CELF4: variants seen among roughly 807,000 people sequenced by gnomAD.
The protein encoded by CELF4 is CUG-BP- and ETR-3-like factor 4.
In CELF4, 18 loss-of-function variants were observed where a neutral mutation model predicts 59.9. The ratio of observed to expected loss-of-function variants is 0.30; its 90% CI spans 0.21 to 0.45. The LOEUF (loss-of-function observed/expected upper bound fraction) is 0.45, where lower values mean the gene tolerates loss of function less well. CELF4 is among the 20% of genes least tolerant of loss of function. The pLI is 1.00. For synonymous variants in CELF4, 261 were observed against 267.1 expected (o/e 0.98, Z 0.22); for missense variants, 456 against 689.0 (o/e 0.66, Z 3.79).
intron 12 of CELF4, among the ~76,000 whole-genome samples, chr18:37,249,495 CCT>C (rs776118853): frequency 1.3e-5 from 2 of 152,142 alleles, no homozygotes; most frequent in Non-Finnish European, 2.9e-5. Flanking sequence ...GCACACAGCC[CCT>C]GTCCCTAAAG....
At chr18:37,561,511 C>T (rs1448034176) in intron 1 of CELF4, among the ~76,000 whole-genome samples, 2 of 152,064 alleles carry the variant, frequency 1.3e-5, no homozygotes, top group Non-Finnish European at 2.9e-5. Context: ...CTTTATATCT[C>T]CCAGTAACTC....
intron 1 of CELF4, among the ~76,000 whole-genome samples, chr18:37,488,588 A>G (rs1027923938): frequency 6.6e-6 from 1 of 151,976 alleles, no homozygotes; most frequent in Non-Finnish European, 1.5e-5. Flanking sequence ...TCCTGATGGG[A>G]GGGTTTTTGC....
intron 2 of CELF4, among the ~76,000 whole-genome samples, chr18:37,452,413 T>C (rs939064570): frequency 6.6e-6 from 1 of 152,012 alleles, no homozygotes. Flanking sequence ...AACCCCAAGG[T>C]GGACCCAGAG....
chr18:37,317,573 G>A (rs576028121), intron 3 of CELF4, among the ~76,000 whole-genome samples: 1 of 152,236 alleles, frequency 6.6e-6, no homozygotes, highest in East Asian at 1.9e-4. Context: ...AACAAGAACT[G>A]CATCCTATAC....
intron 2 of CELF4, among the ~76,000 whole-genome samples, chr18:37,407,935 C>T (rs2099401221): frequency 6.6e-6 from 1 of 152,016 alleles, no homozygotes; most frequent in Admixed American, 6.6e-5. Context: ...CTGCTCTGTA[C>T]CACAGAATAT....
intron 1 of CELF4, among the ~76,000 whole-genome samples, chr18:37,510,333 C>T (rs2099942812): frequency 1.3e-5 from 2 of 152,210 alleles, no homozygotes; most frequent in African/African-American, 4.8e-5. Context: ...TACTTGGACC[C>T]AGCTGGCCAA....
chr18:37,400,873 T>C (rs567727686), intron 2 of CELF4, among the ~76,000 whole-genome samples: 31 of 152,380 alleles, frequency 2.0e-4, no homozygotes, highest in African/African-American at 6.7e-4. Context: ...GCCTGAATTA[T>C]TGATTAGAGG....
chr18:37,360,898 G>T (rs565054358), intron 2 of CELF4, among the ~76,000 whole-genome samples: 1 of 152,314 alleles, frequency 6.6e-6, no homozygotes, highest in South Asian at 2.1e-4. Context: ...CCAAAGTGGG[G>T]TTTATTTACA....
intron 2 of CELF4, among the ~76,000 whole-genome samples, chr18:37,383,904 T>C (rs2099069666): frequency 6.6e-6 from 1 of 151,874 alleles, no homozygotes; most frequent in Non-Finnish European, 1.5e-5. Context: ...GCAGGAATTC[T>C]CCCTAAATCC....
intron 2 of CELF4, among the ~76,000 whole-genome samples, chr18:37,349,327 A>G (rs1220188007): frequency 6.6e-6 from 1 of 152,028 alleles, no homozygotes; most frequent in Non-Finnish European, 1.5e-5. Flanking sequence ...CGTTGGGGGG[A>G]GAAACTGGAA....
chr18:37,381,315 G>C lies in CELF4; in HGVS notation c.370-59434C>G, dbSNP rs78492102. ...GCAATTATGTCACAAAATCAGACAA[G>C]GCTTCCTGTAGGAGGTACTCTCTAA... On this transcript the variant is annotated intron_variant, in intron 2 of 12. Coordinates refer to ENST00000420428, the MANE Select transcript of CELF4 (RefSeq NM_020180.4). Among the ~76,000 whole-genome samples, 150 of 152,316 alleles carry C rather than the reference G, an allele frequency of 9.8e-4. No homozygotes were observed. The Middle Eastern group carries it at 0.017, about 17-fold the overall frequency.
chr18:37,326,706 G>A (rs376853462), intron 2 of CELF4, among the ~76,000 whole-genome samples: 22 of 152,148 alleles, frequency 1.4e-4, no homozygotes, highest in African/African-American at 4.3e-4. Flanking sequence ...CCAGCCGGGC[G>A]CCCCTCTTAG....
intron 12 of CELF4, among the ~76,000 whole-genome samples, chr18:37,247,833 C>T (rs996391693): frequency 6.6e-6 from 1 of 152,174 alleles, no homozygotes; most frequent in Non-Finnish European, 1.5e-5. Context: ...CCTTGGCCAG[C>T]AAGCAATCTC....
intron 2 of CELF4, among the ~76,000 whole-genome samples, chr18:37,404,215 G>A (rs979829403): frequency 2.0e-5 from 3 of 152,140 alleles, no homozygotes; most frequent in Non-Finnish European, 2.9e-5. Context: ...ACGTGACCTC[G>A]AGCACATCCC....
At chr18:37,384,706 G>A (rs1421422266) in intron 2 of CELF4, among the ~76,000 whole-genome samples, 4 of 152,140 alleles carry the variant, frequency 2.6e-5, no homozygotes, top group South Asian at 2.1e-4. Flanking sequence ...GGAACATCAC[G>A]GGTCACTTCA....
intron 2 of CELF4, among the ~76,000 whole-genome samples, chr18:37,453,298 G>A (rs2099769245): frequency 6.6e-6 from 1 of 152,248 alleles, no homozygotes; most frequent in African/African-American, 2.4e-5. Context: ...AATATGATAA[G>A]GCAGTTCAGG....
At chr18:37,497,902 A>T (rs544965385) in intron 1 of CELF4, among the ~76,000 whole-genome samples, 78 of 152,270 alleles carry the variant, frequency 5.1e-4, no homozygotes, top group Admixed American at 1.3e-3. Flanking sequence ...AGGTGAGGAA[A>T]TGGAGTCACT....
At chr18:37,325,912 C>T (rs542027586) in intron 2 of CELF4, among the ~76,000 whole-genome samples, 68 of 152,322 alleles carry the variant, frequency 4.5e-4, no homozygotes, top group South Asian at 4.1e-4. Flanking sequence ...AGATAATATA[C>T]GGCCCTGTGC....
intron 2 of CELF4, among the ~76,000 whole-genome samples, chr18:37,475,472 C>T (rs1267272186): frequency 2.6e-5 from 4 of 152,190 alleles, no homozygotes; most frequent in Non-Finnish European, 5.9e-5. Context: ...TGTTGACCTG[C>T]AGAGGCTCAG....
Sources: gnomAD v4.1 joint callset for allele counts (sites outside exome capture counted in the v4.1 genomes callset) on GRCh38, gnomAD v4.1.1 for gene constraint, MANE v1.5 for transcripts, NCBI Gene and HGNC (gene_info 2026-07-23, HGNC 2026-07-21) for gene names.